The following EYS variants were observed in gnomAD, a reference collection of about 807,000 sequenced individuals.
EYS encodes protein eyes shut homolog.
EYS carries 250 observed loss-of-function variants against 282.1 expected under a neutral mutation model. That is an observed-to-expected ratio of 0.89 (90% confidence interval 0.80 to 0.98). The LOEUF (loss-of-function observed/expected upper bound fraction) is 0.98. Among genes scored for constraint, EYS ranks in the 50% least tolerant of loss-of-function variants. The pLI is 0.00. For missense variants in EYS, 4,016 were observed against 3,709.0 expected (o/e 1.08, Z -2.15); for synonymous variants, 1,355 against 1,282.9 (o/e 1.06, Z -1.20).
chr6:65,076,044 A>G (rs1169744164), intron 12 of EYS, among the ~76,000 whole-genome samples: 1 of 152,060 alleles, frequency 6.6e-6, no homozygotes, highest in East Asian at 1.9e-4. Flanking sequence ...AGTCCAAATG[A>G]CAACTACATA....
chr6:64,939,802 T>C (rs1325183284), intron 15 of EYS, among the ~76,000 whole-genome samples: 1 of 151,964 alleles, frequency 6.6e-6, no homozygotes, highest in Non-Finnish European at 1.5e-5. Flanking sequence ...GGTTTAGAGC[T>C]AGGTGTAAGT....
chr6:64,160,838 C>A lies in EYS; in HGVS notation c.6424+69754G>T, dbSNP rs117112928. Reference sequence around the variant, plus strand: ...TCAGCAATGCATCTTCTCTTGGGGTCCACTCCCAGATTTCAGTAATAGACT... The same window carrying A: ...TCAGCAATGCATCTTCTCTTGGGGTACACTCCCAGATTTCAGTAATAGACT... On this transcript the variant is annotated intron_variant, in intron 31 of 42. Transcript: ENST00000503581. Among the ~76,000 whole-genome samples the A allele has an allele frequency of 2.1e-3, 323 of 152,226 alleles. 4 individuals carry two copies. The East Asian group carries it at 0.03, about 14-fold the overall frequency.
chr6:65,134,803 T>C (rs1483046608), intron 12 of EYS, among the ~76,000 whole-genome samples: 4 of 152,034 alleles, frequency 2.6e-5, no homozygotes, highest in Admixed American at 1.3e-4. Context: ...ATTTTAGGAA[T>C]GGCAAATTAC....
At chr6:65,041,954 T>C (rs1561936407) in intron 13 of EYS, among the ~76,000 whole-genome samples, 1 of 151,706 alleles carries the variant, frequency 6.6e-6, no homozygotes, top group Non-Finnish European at 1.5e-5. Flanking sequence ...ATCTCACTTC[T>C]AGGTACTAAT....
intron 29 of EYS, among the ~76,000 whole-genome samples, chr6:64,354,488 T>C (rs532570384): frequency 6.6e-6 from 1 of 151,622 alleles, no homozygotes; most frequent in South Asian, 2.1e-4. Context: ...TCCTCATCCA[T>C]AAAAAAAGAA....
intron 22 of EYS, among the ~76,000 whole-genome samples, chr6:64,659,520 T>G (rs1487384591): frequency 6.6e-6 from 1 of 150,530 alleles, no homozygotes; most frequent in Admixed American, 6.6e-5. Flanking sequence ...GAGAGAAGAA[T>G]CAAATAGATG....
intron 12 of EYS, among the ~76,000 whole-genome samples, chr6:65,245,225 G>T (rs553319726): frequency 3.3e-5 from 5 of 152,196 alleles, no homozygotes; most frequent in South Asian, 4.1e-4. Flanking sequence ...TGTAAATAAA[G>T]AAAACGTAAC....
intron 31 of EYS, among the ~76,000 whole-genome samples, chr6:64,153,760 G>A (rs1203275428): frequency 1.3e-5 from 2 of 152,130 alleles, no homozygotes; most frequent in African/African-American, 4.8e-5. Context: ...TCAAAGATGT[G>A]GATACCCTTT....
rs191038017 is a variant in EYS, at chr6:65,116,253, T to C, written c.2024-58526A>G. On this transcript the variant is annotated intron_variant, in intron 12 of 42. Transcript: ENST00000503581. ...ATTCATAAGCTCAGTATGACTCTATTACCAACCATAGCACCCTCCTCTTTT... is the reference window on the plus strand; with the variant it reads ...ATTCATAAGCTCAGTATGACTCTATCACCAACCATAGCACCCTCCTCTTTT... Among the ~76,000 whole-genome samples the C allele has an allele frequency of 2.6e-3, 402 of 152,244 alleles. 1 individual carries two copies. The highest frequency in any genetic ancestry group is 4.6e-3 in the Non-Finnish European group (314 of 68,018).
chr6:64,969,157 G>A (rs957203237), intron 14 of EYS, among the ~76,000 whole-genome samples: 7 of 152,044 alleles, frequency 4.6e-5, no homozygotes, highest in Non-Finnish European at 7.4e-5. Context: ...GTTGGAGACC[G>A]GCATGGCCTA....
intron 31 of EYS, among the ~76,000 whole-genome samples, chr6:64,087,921 A>G (rs1772213079): frequency 6.6e-6 from 1 of 152,100 alleles, no homozygotes; most frequent in Non-Finnish European, 1.5e-5. Context: ...CAATTTGCTA[A>G]AAAATGACTT....
At chr6:64,798,590 C>A (rs1774433456) in intron 22 of EYS, among the ~76,000 whole-genome samples, 1 of 142,948 alleles carries the variant, frequency 7.0e-6, no homozygotes, top group Non-Finnish European at 1.5e-5. Flanking sequence ...TTCATTCTGC[C>A]TGTTTCTTTG....
chr6:63,900,871 T>G (rs1773641375), intron 35 of EYS, among the ~76,000 whole-genome samples: 1 of 152,082 alleles, frequency 6.6e-6, no homozygotes, highest in Non-Finnish European at 1.5e-5. Flanking sequence ...CGTCATAAAT[T>G]TAGGCAAGTT....
chr6:64,418,309 AT>A (rs1342209469), intron 28 of EYS, among the ~76,000 whole-genome samples: 1 of 152,232 alleles, frequency 6.6e-6, no homozygotes, highest in Non-Finnish European at 1.5e-5. Flanking sequence ...TAAAGTATGT[AT>A]CTTAAGAAGC....
At chr6:64,070,508 G>GGT (rs1771535067) in intron 32 of EYS, among the ~76,000 whole-genome samples, 1 of 151,952 alleles carries the variant, frequency 6.6e-6, no homozygotes, top group African/African-American at 2.4e-5. Context: ...TTTTCCTTGA[G>GGT]GTAACAGGCT....
At chr6:65,232,462 A>T (rs539370038) in intron 12 of EYS, among the ~76,000 whole-genome samples, 3 of 152,196 alleles carry the variant, frequency 2.0e-5, no homozygotes, top group Non-Finnish European at 4.4e-5. Flanking sequence ...AAATTTCTTA[A>T]CATGCTCTAT....
chr6:64,221,760 G>A (rs2150333542), intron 31 of EYS, among the ~76,000 whole-genome samples: 1 of 152,202 alleles, frequency 6.6e-6, no homozygotes, highest in South Asian at 2.1e-4. Flanking sequence ...CACCTGGGAT[G>A]TGAAAAATTC....
At chr6:65,342,607 T>C (rs1242706010) in intron 10 of EYS, among the ~76,000 whole-genome samples, 1 of 150,596 alleles carries the variant, frequency 6.6e-6, no homozygotes. Flanking sequence ...ATATAGTCTC[T>C]AAATATAGAT....
intron 29 of EYS, among the ~76,000 whole-genome samples, chr6:64,387,809 C>T (rs1194360826): frequency 6.6e-6 from 1 of 151,968 alleles, no homozygotes; most frequent in East Asian, 1.9e-4. Flanking sequence ...ATCTTATTTC[C>T]TTAAAGGCAT....
Sources: gnomAD v4.1 joint callset for allele counts (sites outside exome capture counted in the v4.1 genomes callset) on GRCh38, gnomAD v4.1.1 for gene constraint, MANE v1.5 for transcripts, NCBI Gene and HGNC (gene_info 2026-07-23, HGNC 2026-07-21) for gene names.